Variants in SASS6 observed in about 807,000 individuals in gnomAD.
The protein encoded by SASS6 is SAS-6 centriolar assembly protein.
In SASS6, 59 loss-of-function variants were observed where a neutral mutation model predicts 94.9. The ratio of observed to expected loss-of-function variants is 0.62; its 90% CI spans 0.50 to 0.77. SASS6 has a LOEUF of 0.77. Ranked by LOEUF, SASS6 falls within the 30% of genes least tolerant of loss-of-function variation. The pLI, the probability that SASS6 is intolerant of heterozygous loss-of-function variation, is 0.00. For synonymous variants in SASS6, 264 were observed against 270.0 expected (o/e 0.98, Z 0.22); for missense variants, 698 against 734.1 (o/e 0.95, Z 0.57).
intron 1 of SASS6, among the ~76,000 whole-genome samples, chr1:100,130,689 GAA>G (rs369101016): frequency 7.4e-6 from 1 of 135,160 alleles, no homozygotes. Context: ...ACTCTGTCTA[GAA>G]AAAAAAAAAA....
intron 8 of SASS6, among the ~76,000 whole-genome samples, chr1:100,109,567 T>C (rs1653151671): frequency 6.6e-6 from 1 of 151,948 alleles, no homozygotes; most frequent in Admixed American, 6.6e-5. Context: ...AACCTGCACA[T>C]TCTGTACATG....
chr1:100,086,187 G>A (rs1259266239), intron 15 of SASS6, among the ~76,000 whole-genome samples: 1 of 151,980 alleles, frequency 6.6e-6, no homozygotes, highest in South Asian at 2.1e-4. Context: ...CAGTGTTAAC[G>A]GTTTCCCTAG....
rs768288788 is a variant in SASS6, at chr1:100,106,961, T to C, written c.1359A>G (p.Thr453=). 1 of 1,440,452 alleles carries C rather than the reference T, an allele frequency of 6.9e-7. No individual in the cohort carries two copies. Among genetic ancestry groups the C allele is most frequent in the Admixed American group, 1.7e-5 (1 of 58,456 alleles). 89.2% of individuals were successfully genotyped at this position (1,440,452 alleles called of 1,614,324 possible). Residue 453 remains threonine (T), a synonymous_variant, in exon 12 of 17, where the codon ACA becomes ACG. Transcript: ENST00000287482. ...VCKLQEQLEA[T]VKKLEESKQL... ...GTTTGCTTTCTTCAAGTTTTTTAAC[T>C]GTAGCTTCTAATTGTTCTTGTAATT... is the stretch of plus-strand genomic sequence containing the variant.
Position 100,110,282 on chromosome 1 carries a change from C to T in SASS6, c.861+10G>A, listed in dbSNP as rs753819757. 2 of 1,490,776 alleles carry T rather than the reference C, an allele frequency of 1.3e-6. No homozygotes were observed. The highest frequency in any genetic ancestry group is 2.4e-5 in the Admixed American group (1 of 41,606). The allele number at this position is 1,490,776 out of a possible 1,614,324, so 92.3% of individuals were successfully genotyped here. On this transcript the variant is annotated intron_variant, in intron 8 of 16. Coordinates refer to ENST00000287482, the MANE Select transcript of SASS6 (RefSeq NM_194292.3). Reference sequence around the variant, plus strand: ...TAAATTGGGGGAGGAAAAAAAACAACATTCAATACCTCTTCAACACCAGAA... The same window carrying T: ...TAAATTGGGGGAGGAAAAAAAACAATATTCAATACCTCTTCAACACCAGAA...
intron 14 of SASS6, among the ~76,000 whole-genome samples, chr1:100,097,711 C>A (rs752022004): frequency 2.6e-5 from 4 of 152,106 alleles, no homozygotes; most frequent in Non-Finnish European, 5.9e-5. Context: ...CACCTGTAGT[C>A]CCAGCTACTC....
chr1:100,088,518 C>T (rs929818115), intron 14 of SASS6, among the ~76,000 whole-genome samples: 4 of 152,028 alleles, frequency 2.6e-5, no homozygotes, highest in African/African-American at 4.8e-5. Context: ...TCAAACTCCT[C>T]GGCTCAAGTG....
chr1:100,091,620 A>G (rs1651694476), intron 14 of SASS6, among the ~76,000 whole-genome samples: 2 of 150,348 alleles, frequency 1.3e-5, no homozygotes, highest in South Asian at 4.2e-4. Flanking sequence ...TGAATGTAAA[A>G]AAGTCTCATT....
At chr1:100,104,217 T>G (rs1434389636) in intron 13 of SASS6, among the ~76,000 whole-genome samples, 1 of 152,194 alleles carries the variant, frequency 6.6e-6, no homozygotes, top group Non-Finnish European at 1.5e-5. Flanking sequence ...ATGGGCCATA[T>G]CTGTGATTTA....
chr1:100,110,565 A>G (rs1026938222), intron 7 of SASS6, 82 bp from the exon 8 acceptor site: 1 of 685,590 alleles, frequency 1.5e-6, no homozygotes, highest in African/African-American at 1.9e-5. Context: ...AACAAAAAAA[A>G]ATTGTAATTT....
At position 100,123,169 on chromosome 1, in the gene SASS6, AT is replaced by A. The variant is rs35729161; in HGVS notation, c.206+40del. The A allele has an allele frequency of 1.1e-4, 90 of 836,090 alleles. 1 individual carries two copies. The African/African-American group carries it at 1.4e-3, about 13-fold the overall frequency. 51.8% of individuals were successfully genotyped at this position (836,090 alleles called of 1,614,324 possible). ...CAGTACCAATAAAACTTAGAAACTT[AT>A]TTTTTCACTAAATATAAGATCAGAA... On this transcript the variant is annotated intron_variant, in intron 3 of 16. Coordinates refer to ENST00000287482, the MANE Select transcript of SASS6 (RefSeq NM_194292.3).
chr1:100,096,459 G>C (rs1019620093), intron 14 of SASS6, among the ~76,000 whole-genome samples: 2 of 152,106 alleles, frequency 1.3e-5, no homozygotes, highest in African/African-American at 4.8e-5. Flanking sequence ...AGGAGAAAAT[G>C]TTTTCAACCT....
At chr1:100,118,766 TAA>T (rs1283653883) in intron 7 of SASS6, among the ~76,000 whole-genome samples, 14 of 151,420 alleles carry the variant, frequency 9.2e-5, no homozygotes, top group African/African-American at 3.1e-4. Context: ...TACAGAGTTA[TAA>T]GTTTATAAAC....
intron 8 of SASS6, among the ~76,000 whole-genome samples, chr1:100,109,612 A>T (rs1197538510): frequency 1.3e-5 from 2 of 152,024 alleles, no homozygotes; most frequent in Admixed American, 6.6e-5. Context: ...ATAAAATAAA[A>T]AATAAAAATT....
intron 7 of SASS6, among the ~76,000 whole-genome samples, chr1:100,111,529 T>TA (rs1653329381): frequency 6.6e-6 from 1 of 152,028 alleles, no homozygotes; most frequent in Non-Finnish European, 1.5e-5. Context: ...GACATACATC[T>TA]AAAATTCAGA....
Position 100,108,839 on chromosome 1 carries a change from A to G in SASS6, c.862-835T>C, listed in dbSNP as rs145866823. Among the ~76,000 whole-genome samples the G allele has an allele frequency of 9.4e-3, 1,428 of 152,218 alleles. 17 individuals carry two copies. Among genetic ancestry groups the G allele is most frequent in the Non-Finnish European group, 0.012 (843 of 67,928 alleles). ...AATACTTAATAAATTATTTCATTTA[A>G]CCTTCATAAAAATCCTTACGTAAAT... is the stretch of plus-strand genomic sequence containing the variant. On this transcript the variant is annotated intron_variant, in intron 8 of 16. Transcript: ENST00000287482.
chr1:100,085,437 G>A lies in SASS6; in HGVS notation c.1868-3C>T, dbSNP rs778588234. 1 of 1,599,064 alleles carries A rather than the reference G, an allele frequency of 6.3e-7. No homozygotes were observed. The highest frequency in any genetic ancestry group is 1.1e-5 in the South Asian group (1 of 90,770). On this transcript the variant is annotated splice_region_variant and splice_polypyrimidine_tract_variant and intron_variant, in intron 16 of 16. Transcript: ENST00000287482. ...TAAAGTGCCATCTCTCTGATGGTCTGCAAATGAGGACAAAAAAAGGTTACT... is the reference window on the plus strand; with the variant it reads ...TAAAGTGCCATCTCTCTGATGGTCTACAAATGAGGACAAAAAAAGGTTACT...
rs1362238027 is a variant in SASS6, at chr1:100,110,286, C to T, written c.861+6G>A. 6.5e-7 allele frequency: 1 copy of T among 1,527,606 alleles called. No homozygotes were observed. The highest frequency in any genetic ancestry group is 1.3e-5 in the South Asian group (1 of 79,552). 94.6% of individuals were successfully genotyped at this position (1,527,606 alleles called of 1,614,324 possible). On this transcript the variant is annotated splice_donor_region_variant and intron_variant, in intron 8 of 16. Transcript: ENST00000287482. The stretch of plus-strand genomic sequence containing the variant: ...TTGGGGGAGGAAAAAAAACAACATT[C>T]AATACCTCTTCAACACCAGAAAGTT...
chr1:100,105,576 A>G lies in SASS6; in HGVS notation c.1545+191T>C, dbSNP rs557304818. On this transcript the variant is annotated intron_variant, in intron 13 of 16. Transcript: ENST00000287482. ...AAAAAGAAATGTGCTCTTGAAACTC[A>G]GCCTCTGTTCAGAGCAAGTGTGCCT... Among the ~76,000 whole-genome samples the G allele has an allele frequency of 4.5e-4, 69 of 152,268 alleles. 1 individual carries two copies. In the South Asian group the frequency reaches 0.013, roughly 28 times the overall value.
Position 100,107,378 on chromosome 1 carries a change from T to C in SASS6, c.1322A>G (p.Gln441Arg). The C allele has an allele frequency of 6.3e-7, 1 of 1,578,376 alleles. No homozygotes were observed. The highest frequency in any genetic ancestry group is 8.6e-7 in the Non-Finnish European group (1 of 1,159,494). ...DVGQSLRIKEQEVCKLQEQLE... is the reference protein window; with the variant it reads ...DVGQSLRIKEREVCKLQEQLE... ...AAAATTTAAAATATTAACTACCTCTTGCTCTTTAATTCGAAGAGACTGTCC... is the reference window on the plus strand; with the variant it reads ...AAAATTTAAAATATTAACTACCTCTCGCTCTTTAATTCGAAGAGACTGTCC... The change falls in exon 11 of 17, where the codon CAA (glutamine) becomes CGA (arginine). Residue 441 changes from glutamine (Q) to arginine (R), a missense_variant. Gln to Arg is a conservative substitution (Grantham distance 43). Transcript: ENST00000287482.
Sources: gnomAD v4.1 joint callset for allele counts (sites outside exome capture counted in the v4.1 genomes callset) on GRCh38, gnomAD v4.1.1 for gene constraint, MANE v1.5 for transcripts, NCBI Gene and HGNC (gene_info 2026-07-23, HGNC 2026-07-21) for gene names.